The following TMEM244 variants were observed in gnomAD, a reference collection of about 807,000 sequenced individuals.
TMEM244 encodes putative transmembrane protein 244.
Under a neutral mutation model 15.8 loss-of-function variants are expected in TMEM244, and 13 were observed. The observed-to-expected ratio is 0.82, with a 90% CI of 0.53 to 1.30. TMEM244 has a LOEUF of 1.30. Ranked by LOEUF, TMEM244 falls within the 50% of genes most tolerant of loss-of-function variation. The probability of loss-of-function intolerance (pLI) is 0.00; values close to 1 mark genes in which losing one functional copy is unlikely to be tolerated. For missense variants in TMEM244, 161 were observed against 144.9 expected (o/e 1.11, Z -0.57); for synonymous variants, 45 against 48.7 (o/e 0.92, Z 0.32).
chr6:129,853,737 C>A (rs1024798973), intron 1 of TMEM244, among the ~76,000 whole-genome samples: 1 of 152,140 alleles, frequency 6.6e-6, no homozygotes, highest in African/African-American at 2.4e-5. Context: ...TACTGATTTG[C>A]GCTTTTAGAA....
intron 1 of TMEM244, among the ~76,000 whole-genome samples, chr6:129,851,517 G>A (rs1426190990): frequency 1.3e-5 from 2 of 152,038 alleles, no homozygotes; most frequent in East Asian, 1.9e-4. Context: ...TGATCTGCCC[G>A]CCTTAGCCTC....
chr6:129,857,516 G>A (rs866854707), intron 1 of TMEM244, among the ~76,000 whole-genome samples: 107 of 151,882 alleles, frequency 7.0e-4, no homozygotes, highest in African/African-American at 1.7e-3. Flanking sequence ...CCACCACCAC[G>A]CCTGGCTAAT....
At chr6:129,856,604 A>T (rs1386485326) in intron 1 of TMEM244, among the ~76,000 whole-genome samples, 1 of 152,154 alleles carries the variant, frequency 6.6e-6, no homozygotes, top group Non-Finnish European at 1.5e-5. Context: ...CAAATGTATA[A>T]ACTTGTAAAT....
In TMEM244 at chr6:129,851,516, C is replaced by T. The variant is rs533169896; in HGVS notation, c.34-5664G>A. On this transcript the variant is annotated intron_variant, in intron 1 of 4. Transcript: ENST00000368143. Reference sequence around the variant, plus strand: ...AACTCCTGACTTCAAGTGATCTGCCCGCCTTAGCCTCCCAAAGTGCTGGGA... The same window carrying T: ...AACTCCTGACTTCAAGTGATCTGCCTGCCTTAGCCTCCCAAAGTGCTGGGA... Among the ~76,000 whole-genome samples the T allele has an allele frequency of 4.5e-4, 68 of 152,182 alleles. 1 individual carries two copies. In the South Asian group the frequency reaches 0.013, roughly 30 times the overall value.
At chr6:129,849,259 A>G (rs1395312643) in intron 1 of TMEM244, among the ~76,000 whole-genome samples, 1 of 152,184 alleles carries the variant, frequency 6.6e-6, no homozygotes, top group East Asian at 1.9e-4. Context: ...AGCAAGGCAT[A>G]ATTTTTGTAA....
rs188512327 is a variant in TMEM244 at position 129,832,397 on chromosome 6, G to A, written c.320-1011C>T. 7.6e-3 allele frequency among the ~76,000 whole-genome samples: 1,153 copies of A among 152,106 alleles called. 7 individuals are homozygous for A. The highest frequency in any genetic ancestry group is 0.02 in the Middle Eastern group (6 of 294). ...ACAGGCGTGAGCCACGGCACCTGGC[G>A]GAGACAGATTATACTATCAATAGAT... On this transcript the variant is annotated intron_variant, in intron 4 of 4. Coordinates refer to ENST00000368143, the MANE Select transcript of TMEM244 (RefSeq NM_001010876.2).
At chr6:129,834,919 A>G (rs562034381) in intron 3 of TMEM244, among the ~76,000 whole-genome samples, 3 of 152,298 alleles carry the variant, frequency 2.0e-5, no homozygotes, top group South Asian at 2.1e-4. Flanking sequence ...TAGAGATTTT[A>G]TAGGTTAACT....
chr6:129,833,378 C>T, intron 4 of TMEM244, 82 bp downstream of exon 4: 5 of 1,449,196 alleles, frequency 3.5e-6, no homozygotes, highest in Non-Finnish European at 4.6e-6. Flanking sequence ...ATGCAGACAA[C>T]AAAGTTCTAC....
chr6:129,833,709 T>C lies in TMEM244; in HGVS notation c.194-124A>G, dbSNP rs903127131. 12 of 934,606 alleles carry C rather than the reference T, an allele frequency of 1.3e-5. No individual in the cohort carries two copies. The African/African-American group carries it at 1.7e-4, about 13-fold the overall frequency. 57.9% of individuals were successfully genotyped at this position (934,606 alleles called of 1,614,324 possible). ...AATTTTGGTAAGAATTTTTTAAATG[T>C]TCCATTTCCTAACAATCCTCAAATT... On this transcript the variant is annotated intron_variant, in intron 3 of 4. Coordinates refer to ENST00000368143, the MANE Select transcript of TMEM244 (RefSeq NM_001010876.2).
At chr6:129,849,873 G>A (rs1159805410) in intron 1 of TMEM244, among the ~76,000 whole-genome samples, 1 of 152,190 alleles carries the variant, frequency 6.6e-6, no homozygotes, top group East Asian at 1.9e-4. Flanking sequence ...TGGGTTATGT[G>A]TGTGTGTATG....
intron 1 of TMEM244, among the ~76,000 whole-genome samples, chr6:129,846,803 A>G (rs1040675045): frequency 6.6e-6 from 1 of 152,220 alleles, no homozygotes; most frequent in Non-Finnish European, 1.5e-5. Context: ...GCAAGAATTT[A>G]CAGAGCAATT....
At chr6:129,852,477 C>T (rs985170763) in intron 1 of TMEM244, among the ~76,000 whole-genome samples, 7 of 152,096 alleles carry the variant, frequency 4.6e-5, no homozygotes, top group South Asian at 2.1e-4. Flanking sequence ...TGGCACTTCG[C>T]CTTCTTTGTT....
intron 1 of TMEM244, among the ~76,000 whole-genome samples, chr6:129,858,229 T>G (rs898074017): frequency 2.6e-5 from 4 of 152,188 alleles, no homozygotes; most frequent in Non-Finnish European, 4.4e-5. Context: ...ATTTCTTGTT[T>G]CATAAAACTT....
At chr6:129,853,072 A>G (rs1402310972) in intron 1 of TMEM244, among the ~76,000 whole-genome samples, 2 of 152,270 alleles carry the variant, frequency 1.3e-5, no homozygotes, top group Non-Finnish European at 2.9e-5. Flanking sequence ...ACCAAATCTA[A>G]TTATCTGGCA....
At chr6:129,853,302 C>T (rs1411279159) in intron 1 of TMEM244, among the ~76,000 whole-genome samples, 1 of 152,120 alleles carries the variant, frequency 6.6e-6, no homozygotes, top group Non-Finnish European at 1.5e-5. Flanking sequence ...GGAAAACTAA[C>T]TCCCACTCAT....
intron 1 of TMEM244, among the ~76,000 whole-genome samples, chr6:129,857,316 A>G (rs895901979): frequency 1.0e-5 from 1 of 99,096 alleles, no homozygotes; most frequent in Admixed American, 8.9e-5. Context: ...ATATGTGTGT[A>G]TACACACACA....
chr6:129,859,988 TTGAACATATTCACTATTCTTCTAA>T (rs1221483012), intron 1 of TMEM244, among the ~76,000 whole-genome samples: 1 of 152,204 alleles, frequency 6.6e-6, no homozygotes, highest in Admixed American at 6.6e-5. Flanking sequence ...CCTATCTATT[TTGAACATATTCACTATTCTTCTAA>T]TGTTCTAAGG....
At chr6:129,855,341 C>T (rs1340250857) in intron 1 of TMEM244, among the ~76,000 whole-genome samples, 1 of 152,110 alleles carries the variant, frequency 6.6e-6, no homozygotes, top group Non-Finnish European at 1.5e-5. Flanking sequence ...GACAGCCTTG[C>T]TAAAGATGAC....
At chr6:129,847,124 T>C (rs553223043) in intron 1 of TMEM244, among the ~76,000 whole-genome samples, 1 of 151,956 alleles carries the variant, frequency 6.6e-6, no homozygotes, top group East Asian at 1.9e-4. Context: ...GACAAACCAA[T>C]AGAAAAATGG....
Sources: allele counts gnomAD v4.1 joint callset (sites outside exome capture counted in the v4.1 genomes callset), GRCh38; gene constraint gnomAD v4.1.1; transcripts MANE v1.5; gene names NCBI Gene and HGNC (gene_info 2026-07-23, HGNC 2026-07-21).